The following DNAH2 variants were observed in gnomAD, a reference collection of about 807,000 sequenced individuals.
DNAH2 encodes the protein axonemal beta dynein heavy chain 2.
In DNAH2, 323 loss-of-function variants were observed where a neutral mutation model predicts 523.5. The observed-to-expected ratio is 0.62, with a 90% CI of 0.56 to 0.68. DNAH2 has a LOEUF of 0.68. DNAH2 is among the 30% of genes least tolerant of loss of function. DNAH2 has a pLI of 0.00. For missense variants in DNAH2, 4,907 were observed against 5,701.5 expected (o/e 0.86, Z 4.49); for synonymous variants, 2,093 against 2,177.4 (o/e 0.96, Z 1.08).
In DNAH2 at chr17:7,819,040, A is replaced by T. The variant is rs2077774071; in HGVS notation, c.10792A>T (p.Ile3598Phe). The change falls in exon 71 of 86, where the codon ATC (isoleucine) becomes TTC (phenylalanine). Residue 3598 changes from isoleucine (I) to phenylalanine (F), a missense_variant. By Grantham distance (21) the Ile-to-Phe change is conservative. Coordinates refer to ENST00000572933, the MANE Select transcript of DNAH2 (RefSeq NM_020877.5). ...EQLETSETTE[I>F]NTDLAREAYR... ...GCTGGAGACCAGTGAGACCACAGAG[A>T]TCAACACTGACTTGGCGCGGGAGGT... is the stretch of plus-strand genomic sequence containing the variant. 5 of 1,608,122 alleles carry T rather than the reference A, an allele frequency of 3.1e-6. No individual in the cohort carries two copies. Among genetic ancestry groups the T allele is most frequent in the Non-Finnish European group, 4.2e-6 (5 of 1,179,616 alleles).
intron 49 of DNAH2, 28 bp downstream of exon 49, chr17:7,794,386 G>A (rs759324538): frequency 1.3e-5 from 20 of 1,581,944 alleles, no homozygotes; most frequent in Non-Finnish European, 1.7e-5. Context: ...GCTGCAGGAC[G>A]AGGGGAGGGT....
chr17:7,759,116 G>A lies in DNAH2; in HGVS notation c.2440G>A (p.Gly814Ser), dbSNP rs200743703. 1,855 of 1,613,934 alleles carry A rather than the reference G, an allele frequency of 1.1e-3. 35 individuals are homozygous for A. The South Asian group carries it at 0.019, about 16-fold the overall frequency. The change falls in exon 15 of 86, where the codon GGT becomes AGT. Residue 814 changes from glycine to serine, a missense_variant. Physicochemically the swap from Gly to Ser is moderately conservative, Grantham distance 56. Coordinates refer to ENST00000572933, the MANE Select transcript of DNAH2 (RefSeq NM_020877.5). ...TNSYEVFKND[G>S]PEIQQQWMLY... ...CTCCTATGAGGTCTTCAAGAATGAT[G>A]GTCCTGAGGTAGGGTTCCTGTGGCC...
chr17:7,824,361 C>A, intron 76 of DNAH2, 57 bp downstream of exon 76: 5 of 1,483,516 alleles, frequency 3.4e-6, no homozygotes, highest in Non-Finnish European at 2.7e-6. Context: ...GTCCCTAGAA[C>A]CTCCAACCTC....
intron 50 of DNAH2, 75 bp from the exon 51 acceptor site, chr17:7,797,101 C>CA (rs75682576): frequency 0.15 from 124,536 of 852,426 alleles, 32 homozygotes; most frequent in East Asian, 0.22. Flanking sequence ...GACTCTGTCC[C>CA]AAAAAAAAAA....
Position 7,778,322 on chromosome 17 carries a change from G to C in DNAH2, c.5394G>C (p.Gly1798=), listed in dbSNP as rs371712121. 6.2e-7 allele frequency: 1 copy of C among 1,614,062 alleles called. No homozygotes were observed. The highest frequency in any genetic ancestry group is 8.5e-7 in the Non-Finnish European group (1 of 1,180,050). ...TLTTALHLHR[G]GSPKGPAGTG... ...CCACGGCATTGCACCTGCACCGAGG[G>C]GGCTCCCCCAAAGGCCCTGCAGGCA... The change falls in exon 35 of 86, where the codon GGG becomes GGC. Residue 1798 remains glycine, a synonymous_variant. Transcript: ENST00000572933.
intron 13 of DNAH2, among the ~76,000 whole-genome samples, chr17:7,757,575 G>A (rs2075880132): frequency 6.6e-6 from 1 of 152,122 alleles, no homozygotes; most frequent in African/African-American, 2.4e-5. Context: ...CAGACTCATT[G>A]AACTAAGGCC....
Position 7,817,551 on chromosome 17 carries a change from C to T in DNAH2, c.10021-10C>T. 1 of 1,614,010 alleles carries T rather than the reference C, an allele frequency of 6.2e-7. No individual in the cohort carries two copies. Among genetic ancestry groups the T allele is most frequent in the Middle Eastern group, 1.6e-4 (1 of 6,062 alleles). ...CTTCAAGTTAAAGCATGGGGCTTTT[C>T]TCTCCCCAGATCTGGGAGCTTCAGG... On this transcript the variant is annotated splice_polypyrimidine_tract_variant and intron_variant, in intron 65 of 85. Transcript: ENST00000572933.
At chr17:7,733,750 T>C (rs1399384068) in intron 5 of DNAH2, among the ~76,000 whole-genome samples, 2 of 152,140 alleles carry the variant, frequency 1.3e-5, no homozygotes, top group Non-Finnish European at 2.9e-5. Flanking sequence ...GTGCTGGGAT[T>C]ACAGGTGTGA....
intron 49 of DNAH2, among the ~76,000 whole-genome samples, chr17:7,795,579 T>A (rs1021880481): frequency 6.8e-6 from 1 of 146,856 alleles, no homozygotes; most frequent in African/African-American, 2.5e-5. Flanking sequence ...GAGGCTGAGG[T>A]GGGAGGATTG....
Position 7,833,641 on chromosome 17 carries a change from C to T in DNAH2, c.*108C>T. ...GACCTCACTCAGACTTTGACCTTGG[C>T]CGAATTTGTGTGATGTGGCCCTGGA... On this transcript the variant is annotated 3_prime_UTR_variant, in exon 86 of 86. Coordinates refer to ENST00000572933, the MANE Select transcript of DNAH2 (RefSeq NM_020877.5). The T allele has an allele frequency of 2.7e-6, 4 of 1,499,656 alleles. No individual in the cohort carries two copies. Among genetic ancestry groups the T allele is most frequent in the Non-Finnish European group, 3.6e-6 (4 of 1,100,814 alleles). 92.9% of individuals were successfully genotyped at this position (1,499,656 alleles called of 1,614,324 possible).
chr17:7,737,227 C>T lies in DNAH2; in HGVS notation c.1139C>T (p.Thr380Ile). The T allele has an allele frequency of 6.2e-7, 1 of 1,614,170 alleles. No individual in the cohort carries two copies. Among genetic ancestry groups the T allele is most frequent in the Non-Finnish European group, 8.5e-7 (1 of 1,180,036 alleles). Residue 380 changes from threonine to isoleucine, a missense_variant, in exon 8 of 86, where the codon ACT (threonine) becomes ATT (isoleucine). Transcript: ENST00000572933. ...IIWVNSPHYN[T>I]RERLTSLFRK... Reference sequence around the variant, plus strand: ...TGGGTCAACTCTCCCCACTACAACACTCGGGAGAGACTGACCTCGCTCTTC... The same window carrying T: ...TGGGTCAACTCTCCCCACTACAACATTCGGGAGAGACTGACCTCGCTCTTC...
chr17:7,721,565 C>T (rs977672467), intron 2 of DNAH2, among the ~76,000 whole-genome samples: 14 of 152,112 alleles, frequency 9.2e-5, no homozygotes, highest in Admixed American at 3.9e-4. Flanking sequence ...TACTAAGCTC[C>T]GGAATCGCCT....
rs1053024217 is a variant in DNAH2, at chr17:7,717,818, G to C, written c.-996G>C. ...CATCGGTCGGTCTAGGGAGGGGAGGGTCAGCGTGGCAAGGTGTGTGTCGGG... is the reference window on the plus strand; with the variant it reads ...CATCGGTCGGTCTAGGGAGGGGAGGCTCAGCGTGGCAAGGTGTGTGTCGGG... On this transcript the variant is annotated 5_prime_UTR_variant, in exon 1 of 86. Coordinates refer to ENST00000572933, the MANE Select transcript of DNAH2 (RefSeq NM_020877.5). The C allele has an allele frequency of 2.0e-5, 3 of 152,608 alleles. No homozygotes were observed. Among genetic ancestry groups the C allele is most frequent in the Admixed American group, 6.5e-5 (1 of 15,278 alleles). 9.5% of individuals were successfully genotyped at this position (152,608 alleles called of 1,614,324 possible).
In DNAH2 at chr17:7,805,359, C is replaced by T. The variant is rs200872109; in HGVS notation, c.9408C>T (p.Asn3136=). The T allele has an allele frequency of 1.8e-5, 29 of 1,614,236 alleles. No individual in the cohort carries two copies. Among genetic ancestry groups the T allele is most frequent in the African/African-American group, 6.7e-5 (5 of 75,056 alleles). ...VMQAVMILRG[N]EPTWAEAKRQ... is the part of the protein sequence containing the mutation. ...AGGCAGTTATGATTCTTCGAGGCAACGAGCCCACATGGGCAGAGGCCAAGA... is the reference window on the plus strand; with the variant it reads ...AGGCAGTTATGATTCTTCGAGGCAATGAGCCCACATGGGCAGAGGCCAAGA... Residue 3136 remains asparagine, a synonymous_variant, in exon 61 of 86, where the codon AAC becomes AAT. Transcript: ENST00000572933.
chr17:7,746,986 T>A lies in DNAH2; in HGVS notation c.1904+3844T>A, dbSNP rs368389313. Among the ~76,000 whole-genome samples the A allele has an allele frequency of 4.6e-5, 6 of 131,280 alleles. No individual in the cohort carries two copies. In the East Asian group the frequency reaches 1.1e-3, roughly 24 times the overall value. 86.1% of individuals were successfully genotyped at this position (131,280 alleles called of 152,430 possible). Reference sequence around the variant, plus strand: ...TGGGCAACAAGAGTGAAACTTTATCTCAAAATTAAAAAAAAAAAAAAAAAG... The same window carrying A: ...TGGGCAACAAGAGTGAAACTTTATCACAAAATTAAAAAAAAAAAAAAAAAG... On this transcript the variant is annotated intron_variant, in intron 12 of 85. Coordinates refer to ENST00000572933, the MANE Select transcript of DNAH2 (RefSeq NM_020877.5).
intron 48 of DNAH2, among the ~76,000 whole-genome samples, chr17:7,793,453 TTCTTTCTTTC>T (rs1567708992): frequency 0.012 from 1,475 of 121,874 alleles, 52 homozygotes; most frequent in Admixed American, 0.022. Context: ...TTCTTTTTCT[TTCTTTCTTTC>T]TTTCTTTCTT....
chr17:7,734,523 A>G lies in DNAH2; in HGVS notation c.793A>G (p.Thr265Ala), dbSNP rs571871966. 3.1e-6 allele frequency: 5 copies of G among 1,613,752 alleles called. No homozygotes were observed. In the East Asian group the frequency reaches 1.1e-4, roughly 36 times the overall value. Residue 265 changes from threonine to alanine, a missense_variant, in exon 7 of 86, where the codon ACT becomes GCT. Transcript: ENST00000572933. ...QIKEMLSAQE[T>A]VETGENLGPL... ...AAAGGAGATGCTCAGTGCCCAGGAG[A>G]CTGTGGAGACAGGAGAAAATTTAGG...
chr17:7,736,350 C>G (rs148563896), intron 7 of DNAH2, among the ~76,000 whole-genome samples: 1 of 152,082 alleles, frequency 6.6e-6, no homozygotes, highest in South Asian at 2.1e-4. Flanking sequence ...AGCCTAAAGC[C>G]CTGGCTGAGA....
At position 7,778,429 on chromosome 17, in the gene DNAH2, A is replaced by C; in HGVS notation, c.5501A>C (p.Asp1834Ala). The C allele has an allele frequency of 6.2e-7, 1 of 1,614,152 alleles. No individual in the cohort carries two copies. Among genetic ancestry groups the C allele is most frequent in the Non-Finnish European group, 8.5e-7 (1 of 1,180,032 alleles). ...VIVVNCSEGL[D>A]YKSMGRMYSG... ...GTGGTCAACTGCTCTGAGGGCCTGGACTACAAGTCCATGGGCCGAATGTAC... is the reference window on the plus strand; with the variant it reads ...GTGGTCAACTGCTCTGAGGGCCTGGCCTACAAGTCCATGGGCCGAATGTAC... Residue 1834 changes from aspartate to alanine, a missense_variant, in exon 35 of 86, where the codon GAC becomes GCC. This residue lies in a region of DNAH2 where 2,806 missense variants were observed against 3,190.8 expected (regional missense o/e 0.88). Transcript: ENST00000572933.
Sources: allele counts gnomAD v4.1 joint callset (sites outside exome capture counted in the v4.1 genomes callset), GRCh38; gene constraint gnomAD v4.1.1; regional missense constraint gnomAD v4.1.1; transcripts MANE v1.5; gene names NCBI Gene and HGNC (gene_info 2026-07-23, HGNC 2026-07-21).